The following CMTM8 variants were observed in gnomAD, a reference collection of about 807,000 sequenced individuals.
The protein encoded by CMTM8 is CKLF-like MARVEL transmembrane domain-containing protein 8.
In CMTM8, 12 loss-of-function variants were observed where a neutral mutation model predicts 18.6. The ratio of observed to expected loss-of-function variants is 0.65; its 90% CI spans 0.41 to 1.05. The LOEUF (loss-of-function observed/expected upper bound fraction) is 1.05. Among genes scored for constraint, CMTM8 ranks in the 50% least tolerant of loss-of-function variants. The probability of loss-of-function intolerance (pLI) is 0.00; values close to 1 mark genes in which losing one functional copy is unlikely to be tolerated. For missense variants in CMTM8, 217 were observed against 227.2 expected, an observed-to-expected ratio of 0.95 and a Z score of 0.29; for synonymous variants, 87 against 90.6, an observed-to-expected ratio of 0.96 and a Z score of 0.23.
chr3:32,288,816 A>C (rs1702731032), intron 1 of CMTM8, among the ~76,000 whole-genome samples: 1 of 152,154 alleles, frequency 6.6e-6, no homozygotes, highest in African/African-American at 2.4e-5. Context: ...GTCATTTCTA[A>C]AGCACCTTTT....
Position 32,367,912 on chromosome 3 carries a change from C to T in CMTM8, c.362C>T (p.Ser121Phe), listed in dbSNP as rs1392994729. 1 of 1,614,142 alleles carries T rather than the reference C, an allele frequency of 6.2e-7. No individual in the cohort carries two copies. The highest frequency in any genetic ancestry group is 8.5e-7 in the Non-Finnish European group (1 of 1,179,988). Residue 121 changes from serine to phenylalanine, a missense_variant, in exon 3 of 4, where the codon TCT becomes TTT. Transcript: ENST00000307526. Reference sequence around the variant, plus strand: ...GGCAGTGCCTTCGTCTTGTACCTCTCTGCCGCTGTTGTAGATGCATCTTCC... The same window carrying T: ...GGCAGTGCCTTCGTCTTGTACCTCTTTGCCGCTGTTGTAGATGCATCTTCC... ...FNGSAFVLYL[S>F]AAVVDASSVS...
intron 1 of CMTM8, among the ~76,000 whole-genome samples, chr3:32,242,502 A>T (rs1701956984): frequency 6.6e-6 from 1 of 151,432 alleles, no homozygotes; most frequent in South Asian, 2.1e-4. Context: ...ATTTTTTTGT[A>T]TTTTTTGTAG....
At chr3:32,273,480 C>T (rs1702472756) in intron 1 of CMTM8, among the ~76,000 whole-genome samples, 2 of 151,972 alleles carry the variant, frequency 1.3e-5, no homozygotes, top group South Asian at 4.1e-4. Context: ...ACAGAATACC[C>T]GTACAATGGA....
At chr3:32,345,772 C>T (rs1696584798) in intron 1 of CMTM8, among the ~76,000 whole-genome samples, 1 of 152,184 alleles carries the variant, frequency 6.6e-6, no homozygotes, top group African/African-American at 2.4e-5. Flanking sequence ...GAGATTTAAG[C>T]CAATGCAATA....
At chr3:32,254,473 A>G (rs181932588) in intron 1 of CMTM8, among the ~76,000 whole-genome samples, 33 of 152,254 alleles carry the variant, frequency 2.2e-4, no homozygotes, top group Admixed American at 3.3e-4. Context: ...TAACACATTT[A>G]TATTTATTGT....
intron 1 of CMTM8, among the ~76,000 whole-genome samples, chr3:32,354,959 C>T (rs192989333): frequency 6.6e-6 from 1 of 152,154 alleles, no homozygotes; most frequent in African/African-American, 2.4e-5. Context: ...GATGTAAACA[C>T]AAAAGCACAT....
chr3:32,361,088 T>C (rs113163179), intron 2 of CMTM8, among the ~76,000 whole-genome samples: 12 of 152,282 alleles, frequency 7.9e-5, no homozygotes, highest in African/African-American at 2.4e-4. Flanking sequence ...TTCAAGCGAT[T>C]CTCCTGCCTC....
intron 2 of CMTM8, among the ~76,000 whole-genome samples, chr3:32,361,541 G>A (rs1299896121): frequency 2.6e-5 from 4 of 152,108 alleles, no homozygotes; most frequent in Admixed American, 2.6e-4. Context: ...ATCTAAGATT[G>A]TAGAGAAGGG....
intron 1 of CMTM8, among the ~76,000 whole-genome samples, chr3:32,288,718 T>C (rs1266926505): frequency 2.6e-5 from 4 of 152,188 alleles, no homozygotes; most frequent in East Asian, 3.8e-4. Context: ...GCCAGGATGT[T>C]CTCGATCTCC....
intron 1 of CMTM8, among the ~76,000 whole-genome samples, chr3:32,324,713 C>G (rs1464023745): frequency 6.6e-6 from 1 of 152,188 alleles, no homozygotes; most frequent in East Asian, 1.9e-4. Flanking sequence ...ACCTACCAAC[C>G]CCCTGCATCT....
At chr3:32,289,769 T>C (rs6784157) in intron 1 of CMTM8, among the ~76,000 whole-genome samples, 96,871 of 152,046 alleles carry the variant, frequency 0.64, 31,391 homozygotes, top group East Asian at 0.78. Context: ...TTATTACCAT[T>C]TATATTCATC....
At chr3:32,240,070 G>A (rs1701927294) in intron 1 of CMTM8, among the ~76,000 whole-genome samples, 1 of 152,236 alleles carries the variant, frequency 6.6e-6, no homozygotes, top group Non-Finnish European at 1.5e-5. Context: ...ATCTCTCACA[G>A]ACTTTTGTTA....
intron 1 of CMTM8, 70 bp from the exon 2 acceptor site, chr3:32,357,303 T>C (rs1696833988): frequency 1.8e-6 from 2 of 1,092,226 alleles, no homozygotes; most frequent in Middle Eastern, 6.1e-4. Context: ...TTTTTCTTTG[T>C]CCCTCCTTCC....
intron 1 of CMTM8, among the ~76,000 whole-genome samples, chr3:32,338,483 T>C (rs188446596): frequency 7.7e-4 from 118 of 152,290 alleles, no homozygotes; most frequent in African/African-American, 2.7e-3. Flanking sequence ...GAGACTGATA[T>C]CACTGCTTTT....
At position 32,238,751 on chromosome 3, in the gene CMTM8, G is replaced by A; in HGVS notation, c.-222G>A. ...TCTCCTCTTCCTCTAGGGCCCCAGC[G>A]CAGCTCGGGAGCCCGCGCACCGAGG... On this transcript the variant is annotated 5_prime_UTR_variant, in exon 1 of 4. Transcript: ENST00000307526. The A allele has an allele frequency of 3.9e-6, 1 of 253,184 alleles. No homozygotes were observed. Among genetic ancestry groups the A allele is most frequent in the Non-Finnish European group, 7.4e-6 (1 of 134,672 alleles). 15.7% of individuals were successfully genotyped at this position (253,184 alleles called of 1,614,324 possible). A position where few individuals can be genotyped will look rare whatever the true frequency, so the allele number is the denominator to read the frequency against.
At chr3:32,261,587 A>G (rs1702259457) in intron 1 of CMTM8, among the ~76,000 whole-genome samples, 1 of 152,160 alleles carries the variant, frequency 6.6e-6, no homozygotes, top group Non-Finnish European at 1.5e-5. Context: ...TGTTTCTAGG[A>G]AGGTGCCCGT....
At chr3:32,292,747 T>A (rs1395077478) in intron 1 of CMTM8, among the ~76,000 whole-genome samples, 1 of 152,104 alleles carries the variant, frequency 6.6e-6, no homozygotes, top group Non-Finnish European at 1.5e-5. Context: ...GACCTCTACC[T>A]ACTAGATGCC....
intron 1 of CMTM8, among the ~76,000 whole-genome samples, chr3:32,336,821 C>G (rs1696397150): frequency 1.4e-5 from 2 of 139,604 alleles, no homozygotes; most frequent in Admixed American, 1.4e-4. Context: ...TTCCCCCATG[C>G]TTCACCAAAA....
chr3:32,302,095 G>A (rs1404122251), intron 1 of CMTM8, among the ~76,000 whole-genome samples: 32 of 151,546 alleles, frequency 2.1e-4, no homozygotes, highest in African/African-American at 7.5e-4. Flanking sequence ...CGCTTTGGGG[G>A]GCCAAGGCAG....
Sources: gnomAD v4.1 joint callset for allele counts (sites outside exome capture counted in the v4.1 genomes callset) on GRCh38, gnomAD v4.1.1 for gene constraint, MANE v1.5 for transcripts, NCBI Gene and HGNC (gene_info 2026-07-23, HGNC 2026-07-21) for gene names.